SMURF2: variants seen among roughly 807,000 people sequenced by gnomAD.
SMURF2 encodes E3 ubiquitin-protein ligase SMURF2.
Under a neutral mutation model 109.6 loss-of-function variants are expected in SMURF2, and 48 were observed. The ratio of observed to expected loss-of-function variants is 0.44; its 90% CI spans 0.35 to 0.56. SMURF2 has a LOEUF of 0.56. Among genes scored for constraint, SMURF2 ranks in the 20% least tolerant of loss-of-function variants. The pLI, the probability that SMURF2 is intolerant of heterozygous loss-of-function variation, is 0.01. For missense variants in SMURF2, 575 were observed against 909.0 expected (o/e 0.63, Z 4.72); for synonymous variants, 288 against 317.1 (o/e 0.91, Z 0.97).
Position 64,606,602 on chromosome 17 carries a change from G to C in SMURF2, c.91C>G (p.Arg31Gly). The stretch of plus-strand genomic sequence containing the variant: ...CAAGATTTAAAGTTAATTTACTTAC[G>C]GAAAAAATCCTTTTTCACCAGGTTT... ...AKNLVKKDFF[R>G]LPDPFAKVVV... Residue 31 changes from arginine to glycine, a missense_variant and splice_region_variant, in exon 2 of 19, where the codon CGA becomes GGA. Arg to Gly is a moderately radical substitution (Grantham distance 125, BLOSUM62 -2). Around this residue, in one of 5 missense-constraint regions of SMURF2, gnomAD observed 30 missense variants for 34.5 expected, o/e 0.87. Transcript: ENST00000262435. 2 of 1,539,242 alleles carry C rather than the reference G, an allele frequency of 1.3e-6. No individual in the cohort carries two copies. Among genetic ancestry groups the C allele is most frequent in the Non-Finnish European group, 1.8e-6 (2 of 1,135,828 alleles).
chr17:64,644,781 G>A (rs1241469213), intron 1 of SMURF2, among the ~76,000 whole-genome samples: 2 of 151,648 alleles, frequency 1.3e-5, no homozygotes, highest in African/African-American at 2.4e-5. Context: ...GCATGGTGGC[G>A]TGCCTGTGAT....
chr17:64,638,034 T>C (rs1420473188), intron 1 of SMURF2, among the ~76,000 whole-genome samples: 6 of 149,600 alleles, frequency 4.0e-5, no homozygotes, highest in Admixed American at 6.8e-5. Flanking sequence ...TACCACACTT[T>C]CCCATGAGTT....
At position 64,606,577 on chromosome 17, in the gene SMURF2, C is replaced by A. The variant is rs782138844; in HGVS notation, c.91+25G>T. On this transcript the variant is annotated intron_variant, in intron 2 of 18. Coordinates refer to ENST00000262435, the MANE Select transcript of SMURF2 (RefSeq NM_022739.4). ...TTCCCAAAGATCTACATACAATACACAAGATTTAAAGTTAATTTACTTACG... is the reference window on the plus strand; with the variant it reads ...TTCCCAAAGATCTACATACAATACAAAAGATTTAAAGTTAATTTACTTACG... The A allele has an allele frequency of 4.7e-6, 7 of 1,495,036 alleles. No individual in the cohort carries two copies. In the Admixed American group the frequency reaches 1.4e-4, roughly 30 times the overall value. The allele number at this position is 1,495,036 out of a possible 1,614,324, so 92.6% of individuals were successfully genotyped here.
chr17:64,593,582 C>T lies in SMURF2; in HGVS notation c.201-9G>A. On this transcript the variant is annotated splice_polypyrimidine_tract_variant and intron_variant, in intron 3 of 18. Coordinates refer to ENST00000262435, the MANE Select transcript of SMURF2 (RefSeq NM_022739.4). ...CAGACTTTCCAATATACCTAAAAAACAAAACGGCTGCATGAGTAACTTGGT... is the reference window on the plus strand; with the variant it reads ...CAGACTTTCCAATATACCTAAAAAATAAAACGGCTGCATGAGTAACTTGGT... 6.6e-7 allele frequency: 1 copy of T among 1,510,714 alleles called. No homozygotes were observed. The highest frequency in any genetic ancestry group is 2.3e-5 in the East Asian group (1 of 42,754). 93.6% of individuals were successfully genotyped at this position (1,510,714 alleles called of 1,614,324 possible). A position where few individuals can be genotyped will look rare whatever the true frequency, so the allele number is the denominator to read the frequency against.
At chr17:64,567,764 C>T (rs1598274672) in intron 10 of SMURF2, among the ~76,000 whole-genome samples, 1 of 152,062 alleles carries the variant, frequency 6.6e-6, no homozygotes, top group Non-Finnish European at 1.5e-5. Context: ...CTCACTGCAA[C>T]CTCCACCTCC....
At chr17:64,638,795 C>G (rs1010438703) in intron 1 of SMURF2, among the ~76,000 whole-genome samples, 4 of 152,220 alleles carry the variant, frequency 2.6e-5, no homozygotes, top group Non-Finnish European at 4.4e-5. Flanking sequence ...GTTAGCACAA[C>G]AGACATAGAG....
intron 3 of SMURF2, among the ~76,000 whole-genome samples, chr17:64,597,464 T>G (rs1343648238): frequency 7.2e-5 from 11 of 151,972 alleles, no homozygotes; most frequent in African/African-American, 2.4e-4. Flanking sequence ...ATCTTCTAGG[T>G]AGGAAATTCA....
At chr17:64,641,509 T>C (rs1970492595) in intron 1 of SMURF2, among the ~76,000 whole-genome samples, 1 of 152,206 alleles carries the variant, frequency 6.6e-6, no homozygotes, top group Non-Finnish European at 1.5e-5. Context: ...ACTTGTTTTG[T>C]AACCAATAGA....
At chr17:64,564,116 GTTAT>G (rs1362845919) in intron 10 of SMURF2, among the ~76,000 whole-genome samples, 2 of 152,128 alleles carry the variant, frequency 1.3e-5, no homozygotes, top group Admixed American at 6.6e-5. Context: ...CTACTCCTAG[GTTAT>G]TTATTTAACC....
intron 15 of SMURF2, among the ~76,000 whole-genome samples, chr17:64,552,844 C>T (rs1020632171): frequency 6.6e-6 from 1 of 152,102 alleles, no homozygotes; most frequent in Non-Finnish European, 1.5e-5. Context: ...GCTGGGATTA[C>T]AGGTGCCTGC....
At chr17:64,566,561 G>GTTTGTTTTTTTTTTTTTTTT (rs1969305868) in intron 10 of SMURF2, among the ~76,000 whole-genome samples, 4 of 43,784 alleles carry the variant, frequency 9.1e-5, no homozygotes, top group African/African-American at 3.0e-4. Context: ...AAGCTTTCTG[G>GTTTGTTTTTTTTTTTTTTTT]TTTTTTTTTT....
At chr17:64,602,833 C>T (rs1394390156) in intron 2 of SMURF2, among the ~76,000 whole-genome samples, 2 of 151,962 alleles carry the variant, frequency 1.3e-5, no homozygotes, top group African/African-American at 4.8e-5. Context: ...GAGGCAGAAG[C>T]AGAATTGCTT....
chr17:64,574,493 T>G (rs1969460364), intron 9 of SMURF2, among the ~76,000 whole-genome samples: 1 of 152,226 alleles, frequency 6.6e-6, no homozygotes, highest in Non-Finnish European at 1.5e-5. Flanking sequence ...AAATAAAGTT[T>G]GTTTTAAAGA....
intron 5 of SMURF2, among the ~76,000 whole-genome samples, chr17:64,587,991 G>A (rs1555687266): frequency 6.6e-6 from 1 of 150,508 alleles, no homozygotes; most frequent in Non-Finnish European, 1.5e-5. Flanking sequence ...TACCCACCAT[G>A]GGCTATCACA....
At chr17:64,598,184 T>C (rs1285555063) in intron 3 of SMURF2, among the ~76,000 whole-genome samples, 198 bp downstream of exon 3, 1 of 152,208 alleles carries the variant, frequency 6.6e-6, no homozygotes, top group Non-Finnish European at 1.5e-5. Flanking sequence ...TTCTTCTTCA[T>C]AGAATTTTAG....
At position 64,547,119 on chromosome 17, in the gene SMURF2, T is replaced by C. The variant is rs1555683172; in HGVS notation, c.2071+481A>G. ...CAGAAAACCATTCTTAAAAAAGGAATATGGTTGTAAACAAATGGTCTGATG... is the reference window on the plus strand; with the variant it reads ...CAGAAAACCATTCTTAAAAAAGGAACATGGTTGTAAACAAATGGTCTGATG... On this transcript the variant is annotated intron_variant, in intron 17 of 18. Coordinates refer to ENST00000262435, the MANE Select transcript of SMURF2 (RefSeq NM_022739.4). This position sits in a 1 kb window ranked among gnomAD's most constrained non-coding sequence, Gnocchi z 4.2. 6.6e-6 allele frequency among the ~76,000 whole-genome samples: 1 copy of C among 152,228 alleles called. No homozygotes were observed. Among genetic ancestry groups the C allele is most frequent in the African/African-American group, 2.4e-5 (1 of 41,460 alleles).
intron 1 of SMURF2, among the ~76,000 whole-genome samples, chr17:64,611,284 CA>C (rs1970041162): frequency 6.6e-6 from 1 of 152,098 alleles, no homozygotes; most frequent in Admixed American, 6.6e-5. Flanking sequence ...TCCTCTCTCT[CA>C]AAAAATAAAA....
intron 10 of SMURF2, 90 bp from the exon 11 acceptor site, chr17:64,563,056 A>G (rs1969247768): frequency 1.0e-5 from 12 of 1,158,880 alleles, no homozygotes; most frequent in Admixed American, 2.7e-5. Flanking sequence ...TTATAAAGCA[A>G]GTCTAGCTCT....
chr17:64,554,092 C>T (rs574996627), intron 15 of SMURF2, among the ~76,000 whole-genome samples: 137 of 152,264 alleles, frequency 9.0e-4, no homozygotes, highest in African/African-American at 3.2e-3. Flanking sequence ...ACATTTATCC[C>T]TAAACTCACA....
Sources: gnomAD v4.1 joint callset for allele counts (sites outside exome capture counted in the v4.1 genomes callset) on GRCh38, gnomAD v4.1.1 for gene constraint, gnomAD v4.1.1 regional missense constraint, Gnocchi (gnomAD v3.1) non-coding constraint, MANE v1.5 for transcripts, NCBI Gene and HGNC (gene_info 2026-07-23, HGNC 2026-07-21) for gene names.